The following SH3GL2 variants were observed in gnomAD, a reference collection of about 807,000 sequenced individuals.
SH3GL2 encodes the protein SH3 domain containing GRB2 like 2, endophilin A1, also known as endophilin-A1.
Under a neutral mutation model 46.0 loss-of-function variants are expected in SH3GL2, and 24 were observed. The ratio of observed to expected loss-of-function variants is 0.52; its 90% CI spans 0.38 to 0.73. SH3GL2 has a LOEUF of 0.73. SH3GL2 is among the 30% of genes least tolerant of loss of function. The probability of loss-of-function intolerance (pLI) is 0.00; values close to 1 mark genes in which losing one functional copy is unlikely to be tolerated. For synonymous variants in SH3GL2, 196 were observed against 147.1 expected (o/e 1.33, Z -2.40); for missense variants, 413 against 424.2 (o/e 0.97, Z 0.23).
chr9:17,678,685 T>G (rs1820681586), intron 1 of SH3GL2, among the ~76,000 whole-genome samples: 1 of 152,224 alleles, frequency 6.6e-6, no homozygotes, highest in African/African-American at 2.4e-5. Context: ...CTTTTGGTGT[T>G]TTAGACATGA....
At chr9:17,663,052 A>G (rs555924589) in intron 1 of SH3GL2, among the ~76,000 whole-genome samples, 1 of 152,322 alleles carries the variant, frequency 6.6e-6, no homozygotes, top group South Asian at 2.1e-4. Context: ...ATTCTAGTGG[A>G]AAAGGAAGGA....
intron 1 of SH3GL2, among the ~76,000 whole-genome samples, chr9:17,654,217 C>T (rs560429048): frequency 6.6e-6 from 1 of 152,158 alleles, no homozygotes; most frequent in Non-Finnish European, 1.5e-5. Context: ...ACTGACCACT[C>T]CTGTGCTGCC....
chr9:17,603,957 A>G (rs896116800), intron 1 of SH3GL2, among the ~76,000 whole-genome samples: 1 of 152,242 alleles, frequency 6.6e-6, no homozygotes, highest in East Asian at 1.9e-4. Context: ...TTTATGTTAC[A>G]TATATTTTAC....
chr9:17,640,129 A>G (rs1239249095), intron 1 of SH3GL2, among the ~76,000 whole-genome samples: 1 of 152,120 alleles, frequency 6.6e-6, no homozygotes, highest in Non-Finnish European at 1.5e-5. Flanking sequence ...TTTTCTTACA[A>G]TTTATTATTT....
At chr9:17,714,310 C>A (rs997632051) in intron 1 of SH3GL2, among the ~76,000 whole-genome samples, 1 of 151,748 alleles carries the variant, frequency 6.6e-6, no homozygotes, top group East Asian at 1.9e-4. Flanking sequence ...TTTATCCAAT[C>A]TGAAAATCTC....
At chr9:17,610,158 A>G (rs1405267586) in intron 1 of SH3GL2, among the ~76,000 whole-genome samples, 1 of 152,334 alleles carries the variant, frequency 6.6e-6, no homozygotes, top group Non-Finnish European at 1.5e-5. Flanking sequence ...TCTTCTCCAA[A>G]GTTAGCTTCC....
intron 2 of SH3GL2, among the ~76,000 whole-genome samples, chr9:17,750,403 C>T (rs887495660): frequency 3.9e-5 from 6 of 152,012 alleles, no homozygotes; most frequent in African/African-American, 1.2e-4. Flanking sequence ...AGGGGTGTTT[C>T]TCTAATCAGC....
At chr9:17,790,549 C>G (rs1824097989) in intron 6 of SH3GL2, among the ~76,000 whole-genome samples, 1 of 152,142 alleles carries the variant, frequency 6.6e-6, no homozygotes, top group African/African-American at 2.4e-5. Context: ...TGCTCCAAAT[C>G]ACAGTGCTCC....
intron 1 of SH3GL2, among the ~76,000 whole-genome samples, chr9:17,653,710 G>T (rs75838894): frequency 6.6e-6 from 1 of 152,138 alleles, no homozygotes. Context: ...CCATTCCTTT[G>T]TGTACTTAAA....
intron 1 of SH3GL2, among the ~76,000 whole-genome samples, chr9:17,700,062 T>TTGCAGTGAGCCGAGATTGCGCCACTGC (rs201724373): frequency 1.1e-4 from 16 of 152,018 alleles, no homozygotes; most frequent in South Asian, 4.2e-4. Flanking sequence ...AAGAAGAAAA[T>TTGCAGTGAGCCGAGATTGCGCCACTGC]AGTTCTGGCT....
chr9:17,736,242 T>C (rs1158682182), intron 1 of SH3GL2, among the ~76,000 whole-genome samples: 1 of 152,168 alleles, frequency 6.6e-6, no homozygotes, highest in African/African-American at 2.4e-5. Context: ...TGGAAGGCTT[T>C]TTAAATTTTT....
chr9:17,766,178 C>T (rs1588315154), intron 3 of SH3GL2, among the ~76,000 whole-genome samples: 2 of 152,278 alleles, frequency 1.3e-5, no homozygotes, highest in Admixed American at 1.3e-4. Flanking sequence ...GCTAATTCCT[C>T]CTGGAAAATC....
chr9:17,619,353 C>G (rs1305466348), intron 1 of SH3GL2, among the ~76,000 whole-genome samples: 1 of 152,098 alleles, frequency 6.6e-6, no homozygotes, highest in African/African-American at 2.4e-5. Context: ...TTCAAAAAAC[C>G]TGATTGTTGA....
chr9:17,640,116 G>A (rs1263714932), intron 1 of SH3GL2, among the ~76,000 whole-genome samples: 2 of 152,008 alleles, frequency 1.3e-5, no homozygotes, highest in African/African-American at 4.8e-5. Context: ...TAAAATGAGT[G>A]ACTTTTCTTA....
intron 1 of SH3GL2, among the ~76,000 whole-genome samples, chr9:17,715,399 T>A (rs575113566): frequency 7.0e-4 from 106 of 151,854 alleles, no homozygotes; most frequent in Non-Finnish European, 1.2e-3. Context: ...TTTTTCAAAA[T>A]TTTTTTTGTC....
intron 1 of SH3GL2, among the ~76,000 whole-genome samples, chr9:17,693,876 T>C (rs2118150415): frequency 6.6e-6 from 1 of 152,348 alleles, no homozygotes; most frequent in Admixed American, 6.5e-5. Context: ...GTTAGAGCTT[T>C]CATGGTAATA....
intron 1 of SH3GL2, among the ~76,000 whole-genome samples, chr9:17,653,256 C>G (rs1432654705): frequency 1.3e-5 from 2 of 152,058 alleles, no homozygotes; most frequent in African/African-American, 4.8e-5. Flanking sequence ...TTTCTACCTT[C>G]CAGTGGAAAC....
At chr9:17,634,895 GTGTGATGGAAACTTC>G (rs1440310162) in intron 1 of SH3GL2, among the ~76,000 whole-genome samples, 1 of 152,318 alleles carries the variant, frequency 6.6e-6, no homozygotes. Flanking sequence ...TGATGCTATA[GTGTGATGGAAACTTC>G]TGTGGGGAAG....
chr9:17,710,116 C>T (rs963489660), intron 1 of SH3GL2, among the ~76,000 whole-genome samples: 1 of 151,906 alleles, frequency 6.6e-6, no homozygotes, highest in Non-Finnish European at 1.5e-5. Flanking sequence ...GCTGTGTCCC[C>T]ACCCAAATCT....
Sources: allele counts gnomAD v4.1 joint callset (sites outside exome capture counted in the v4.1 genomes callset), GRCh38; gene constraint gnomAD v4.1.1; transcripts MANE v1.5; gene names NCBI Gene and HGNC (gene_info 2026-07-23, HGNC 2026-07-21).